KIAA0319: variants seen among roughly 807,000 people sequenced by gnomAD.
KIAA0319 encodes KIAA0319, also known as dyslexia-associated protein KIAA0319.
A neutral mutation model predicts 108.4 loss-of-function variants in KIAA0319; 83 were observed. The observed-to-expected ratio is 0.77, with a 90% CI of 0.64 to 0.92. The LOEUF (loss-of-function observed/expected upper bound fraction) is 0.92, where lower values mean the gene tolerates loss of function less well. Ranked by LOEUF, KIAA0319 falls within the 40% of genes least tolerant of loss-of-function variation. The pLI, the probability that KIAA0319 is intolerant of heterozygous loss-of-function variation, is 0.00. For synonymous variants in KIAA0319, 484 were observed against 510.4 expected, an observed-to-expected ratio of 0.95 and a Z score of 0.70; for missense variants, 1,195 against 1,322.4, an observed-to-expected ratio of 0.90 and a Z score of 1.49.
chr6:24,559,279 A>T, intron 16 of KIAA0319, 124 bp from the exon 17 acceptor site: 1 of 1,024,596 alleles, frequency 9.8e-7, no homozygotes, highest in Non-Finnish European at 1.4e-6. Context: ...TGGCTTGCCA[A>T]GGACAGGGGC....
At chr6:24,620,835 T>C (rs1376050934) in intron 1 of KIAA0319, among the ~76,000 whole-genome samples, 1 of 152,184 alleles carries the variant, frequency 6.6e-6, no homozygotes, top group African/African-American at 2.4e-5. Flanking sequence ...AGTCTTTACC[T>C]CCAAATATAG....
chr6:24,628,456 G>C (rs1775027992), intron 1 of KIAA0319, among the ~76,000 whole-genome samples: 1 of 152,024 alleles, frequency 6.6e-6, no homozygotes, highest in Admixed American at 6.5e-5. Flanking sequence ...TAAAAGATCT[G>C]ACCAGGTCCA....
chr6:24,642,323 T>G (rs932569896), intron 1 of KIAA0319, among the ~76,000 whole-genome samples: 2 of 150,830 alleles, frequency 1.3e-5, no homozygotes, highest in East Asian at 3.9e-4. Context: ...TTTTAAAGGG[T>G]TATTTTGAAA....
At chr6:24,617,329 C>G (rs1034790364) in intron 1 of KIAA0319, among the ~76,000 whole-genome samples, 49 of 151,766 alleles carry the variant, frequency 3.2e-4, no homozygotes, top group Non-Finnish European at 4.3e-4. Context: ...ATGAAAAATA[C>G]AGCTTATAAA....
At chr6:24,595,502 A>T (rs559032603) in intron 3 of KIAA0319, among the ~76,000 whole-genome samples, 1 of 136,480 alleles carries the variant, frequency 7.3e-6, no homozygotes, top group Non-Finnish European at 1.5e-5. Context: ...AGCTGAGATC[A>T]TGCCACTGCA....
intron 1 of KIAA0319, among the ~76,000 whole-genome samples, chr6:24,629,034 A>G (rs536570592): frequency 5.3e-5 from 8 of 152,310 alleles, no homozygotes; most frequent in Non-Finnish European, 1.5e-5. Flanking sequence ...ACTTTTCAAA[A>G]GAAAAGCTTC....
intron 1 of KIAA0319, among the ~76,000 whole-genome samples, chr6:24,624,008 CTTTG>C (rs1774336202): frequency 1.1e-5 from 1 of 87,376 alleles, no homozygotes; most frequent in Non-Finnish European, 2.3e-5. Flanking sequence ...TTTTGAATTT[CTTTG>C]TTTTCTTTTT....
intron 1 of KIAA0319, among the ~76,000 whole-genome samples, chr6:24,628,856 C>T (rs765710425): frequency 8.5e-5 from 13 of 152,068 alleles, no homozygotes; most frequent in Non-Finnish European, 1.8e-4. Flanking sequence ...AAATTTTCCT[C>T]TTATAAGGGC....
At chr6:24,583,964 T>C (rs762181790) in intron 4 of KIAA0319, among the ~76,000 whole-genome samples, 1 of 152,188 alleles carries the variant, frequency 6.6e-6, no homozygotes, top group African/African-American at 2.4e-5. Context: ...GAGCAACGTA[T>C]TGAGTGACAA....
chr6:24,541,911 G>A (rs974471342), downstream of KIAA0319, among the ~76,000 whole-genome samples: 7 of 151,872 alleles, frequency 4.6e-5, no homozygotes, highest in African/African-American at 7.3e-5. Context: ...AGGCTGAGGC[G>A]GGCGGGTCAT....
chr6:24,558,285 A>G (rs1762581725), intron 17 of KIAA0319, among the ~76,000 whole-genome samples: 1 of 152,038 alleles, frequency 6.6e-6, no homozygotes, highest in Admixed American at 6.6e-5. Context: ...AAAAAAAAGA[A>G]AAGAAAAAAG....
intron 1 of KIAA0319, among the ~76,000 whole-genome samples, chr6:24,613,886 C>T (rs1772755352): frequency 6.6e-6 from 1 of 152,114 alleles, no homozygotes; most frequent in South Asian, 2.1e-4. Context: ...GAAAAAAAAT[C>T]CTGTATGTGA....
chr6:24,640,825 G>A (rs1406936007), intron 1 of KIAA0319, among the ~76,000 whole-genome samples: 1 of 151,706 alleles, frequency 6.6e-6, no homozygotes, highest in Non-Finnish European at 1.5e-5. Flanking sequence ...GCTAATTTTT[G>A]TATTTTTTTG....
At chr6:24,558,976 A>G in intron 17 of KIAA0319, 37 bp downstream of exon 17, 1 of 1,568,824 alleles carries the variant, frequency 6.4e-7, no homozygotes, top group Non-Finnish European at 8.6e-7. Context: ...ATGATTGGCA[A>G]GTCTGATTGT....
intron 1 of KIAA0319, among the ~76,000 whole-genome samples, chr6:24,640,139 T>C (rs1030118489): frequency 7.2e-5 from 11 of 152,184 alleles, no homozygotes; most frequent in African/African-American, 2.7e-4. Context: ...ATGCATACAA[T>C]GTGTAATGTT....
At chr6:24,597,061 A>G (rs1769760400) in intron 2 of KIAA0319, among the ~76,000 whole-genome samples, 1 of 151,936 alleles carries the variant, frequency 6.6e-6, no homozygotes. Flanking sequence ...CCACCCACTC[A>G]TCCATCCAGA....
intron 4 of KIAA0319, 101 bp from the exon 5 acceptor site, chr6:24,583,803 C>T: frequency 2.6e-6 from 2 of 760,190 alleles, no homozygotes; most frequent in Non-Finnish European, 2.2e-6. Context: ...ATTAAAATAA[C>T]ATATGCTTTT....
intron 4 of KIAA0319, among the ~76,000 whole-genome samples, chr6:24,585,004 G>C (rs976228266): frequency 1.3e-5 from 2 of 152,282 alleles, no homozygotes; most frequent in Non-Finnish European, 2.9e-5. Context: ...AAATACAAAA[G>C]TTAGAGAGAG....
At chr6:24,576,944 A>G (rs1765636938) in intron 9 of KIAA0319, among the ~76,000 whole-genome samples, 1 of 152,126 alleles carries the variant, frequency 6.6e-6, no homozygotes, top group South Asian at 2.1e-4. Flanking sequence ...CCAAAAAAAA[A>G]AGAAAAAAAG....
Sources: gnomAD v4.1 joint callset for allele counts (sites outside exome capture counted in the v4.1 genomes callset) on GRCh38, gnomAD v4.1.1 for gene constraint, MANE v1.5 for transcripts, NCBI Gene and HGNC (gene_info 2026-07-23, HGNC 2026-07-21) for gene names.